The following DPYS variants were observed in gnomAD, a reference collection of about 807,000 sequenced individuals.
DPYS encodes the protein dihydropyrimidine amidohydrolase.
A neutral mutation model predicts 50.3 loss-of-function variants in DPYS; 39 were observed. The ratio of observed to expected loss-of-function variants is 0.78; its 90% CI spans 0.60 to 1.01. The LOEUF (loss-of-function observed/expected upper bound fraction) is 1.01. Ranked by LOEUF, DPYS falls within the 50% of genes least tolerant of loss-of-function variation. The probability of loss-of-function intolerance (pLI) is 0.00; values close to 1 mark genes in which losing one functional copy is unlikely to be tolerated. For synonymous variants in DPYS, 245 were observed against 250.7 expected (o/e 0.98, Z 0.22); for missense variants, 659 against 680.9 (o/e 0.97, Z 0.36).
rs1813937774 is a variant in DPYS at position 104,456,717 on chromosome 8, T to C, written c.265-5313A>G. The stretch of plus-strand genomic sequence containing the variant: ...TTATTTGTCAGTTAGCCAAACAAAA[T>C]GGATTTAGCTTTTCTAACCTGGCTC... On this transcript the variant is annotated intron_variant, in intron 1 of 9. Transcript: ENST00000351513. Among the ~76,000 whole-genome samples, 7 of 152,334 alleles carry C rather than the reference T, an allele frequency of 4.6e-5. No homozygotes were observed. In the South Asian group the frequency reaches 1.5e-3, roughly 32 times the overall value.
intron 1 of DPYS, among the ~76,000 whole-genome samples, chr8:104,456,821 T>C (rs1813943175): frequency 6.6e-6 from 1 of 152,200 alleles, no homozygotes; most frequent in South Asian, 2.1e-4. Flanking sequence ...AAAACTCTTT[T>C]GGGGGACAGG....
chr8:104,416,269 C>T (rs1216744817), intron 7 of DPYS, among the ~76,000 whole-genome samples: 1 of 152,118 alleles, frequency 6.6e-6, no homozygotes, highest in Non-Finnish European at 1.5e-5. Flanking sequence ...CTATCATATG[C>T]TAGAAAACTG....
chr8:104,398,410 G>A (rs774826776), intron 7 of DPYS, among the ~76,000 whole-genome samples: 1 of 152,278 alleles, frequency 6.6e-6, no homozygotes, highest in East Asian at 1.9e-4. Flanking sequence ...TGGGGCATCA[G>A]TCCTGGCTGC....
chr8:104,413,608 A>T (rs187902048), intron 7 of DPYS, among the ~76,000 whole-genome samples: 111 of 152,302 alleles, frequency 7.3e-4, no homozygotes, highest in African/African-American at 2.6e-3. Flanking sequence ...CTATAATCCT[A>T]GTCATTTTAA....
intron 8 of DPYS, among the ~76,000 whole-genome samples, chr8:104,390,750 C>T (rs960005926): frequency 2.2e-4 from 34 of 152,100 alleles, no homozygotes; most frequent in African/African-American, 7.5e-4. Context: ...CTGTTTGCCT[C>T]AGCCTCCCAA....
intron 7 of DPYS, among the ~76,000 whole-genome samples, chr8:104,393,510 A>C (rs755416528): frequency 6.6e-5 from 10 of 152,218 alleles, no homozygotes; most frequent in Non-Finnish European, 1.5e-4. Flanking sequence ...GTAGTTATCA[A>C]GGAAAAGTAT....
At chr8:104,435,102 A>G (rs1399226610) in intron 4 of DPYS, among the ~76,000 whole-genome samples, 1 of 152,222 alleles carries the variant, frequency 6.6e-6, no homozygotes, top group African/African-American at 2.4e-5. Context: ...TGCATTTCCT[A>G]AAAAGCCATT....
At chr8:104,409,955 C>T (rs1398089982) in intron 7 of DPYS, among the ~76,000 whole-genome samples, 1 of 152,158 alleles carries the variant, frequency 6.6e-6, no homozygotes, top group Non-Finnish European at 1.5e-5. Flanking sequence ...TGGGCCTAAT[C>T]TTTTACCTTG....
rs775955129 is a variant in DPYS at position 104,381,196 on chromosome 8, C to T, written c.*2G>A. The T allele has an allele frequency of 3.7e-6, 6 of 1,613,946 alleles. No homozygotes were observed. The highest frequency in any genetic ancestry group is 3.3e-5 in the South Asian group (3 of 91,078). The stretch of plus-strand genomic sequence containing the variant: ...TACAGTCCCTTACCGATGGCACACA[C>T]TTCAGGGGTGGGCCTGTTTCCTGGT... On this transcript the variant is annotated 3_prime_UTR_variant, in exon 9 of 10. Transcript: ENST00000351513.
At position 104,440,148 on chromosome 8, in the gene DPYS, C is replaced by T. The variant is rs142321317; in HGVS notation, c.793+4100G>A. On this transcript the variant is annotated intron_variant, in intron 4 of 9. Coordinates refer to ENST00000351513, the MANE Select transcript of DPYS (RefSeq NM_001385.3). The stretch of plus-strand genomic sequence containing the variant: ...GATTAAAATACTACTATGTGCCAGG[C>T]ACATATTAAGCACTCAACAAGCTGT... Among the ~76,000 whole-genome samples the T allele has an allele frequency of 2.8e-3, 419 of 152,216 alleles. 1 individual carries two copies. Among genetic ancestry groups the T allele is most frequent in the Non-Finnish European group, 3.7e-3 (252 of 68,022 alleles).
intron 1 of DPYS, among the ~76,000 whole-genome samples, chr8:104,455,282 G>A (rs983132760): frequency 1.1e-4 from 17 of 152,190 alleles, no homozygotes; most frequent in African/African-American, 3.9e-4. Flanking sequence ...ATGAAGAGAC[G>A]CTCTGAGGAA....
intron 7 of DPYS, among the ~76,000 whole-genome samples, chr8:104,417,656 C>T (rs145724470): frequency 7.0e-4 from 106 of 152,292 alleles, no homozygotes; most frequent in African/African-American, 2.2e-3. Flanking sequence ...GTTCAATGAG[C>T]TGTCAGGCTG....
chr8:104,435,922 G>A (rs891289678), intron 4 of DPYS, among the ~76,000 whole-genome samples: 4 of 152,108 alleles, frequency 2.6e-5, no homozygotes, highest in Non-Finnish European at 5.9e-5. Context: ...GAAAAGTTAG[G>A]GGGAGTGACA....
chr8:104,446,426 T>C (rs1043064250), intron 3 of DPYS, among the ~76,000 whole-genome samples: 1 of 152,220 alleles, frequency 6.6e-6, no homozygotes, highest in Admixed American at 6.5e-5. Context: ...AGTTTTACTT[T>C]TATTACGGAA....
Position 104,381,313 on chromosome 8 carries a change from G to A in DPYS, c.1445C>T (p.Thr482Ile), listed in dbSNP as rs1182129503. 2 of 1,613,360 alleles carry A rather than the reference G, an allele frequency of 1.2e-6. No homozygotes were observed. The highest frequency in any genetic ancestry group is 2.2e-5 in the East Asian group (1 of 44,866). ...ACGCTCCACAGGGGTAGGTGTGCAA[G>A]TCTGAAAGAGAACATTTCATTTCTC... ...IYKRIKQRDR[T>I]CTPTPVERAP... The change falls in exon 9 of 10, where the codon ACT (threonine) becomes ATT (isoleucine). Residue 482 changes from threonine to isoleucine, a missense_variant and splice_region_variant. By Grantham distance (89) the Thr-to-Ile change is moderately conservative. Coordinates refer to ENST00000351513, the MANE Select transcript of DPYS (RefSeq NM_001385.3).
chr8:104,392,578 G>C (rs1458003398), intron 8 of DPYS, among the ~76,000 whole-genome samples: 1 of 152,102 alleles, frequency 6.6e-6, no homozygotes. Context: ...TGACCTATCA[G>C]TCTGCAAGGG....
At chr8:104,434,897 T>A (rs1057469145) in intron 4 of DPYS, among the ~76,000 whole-genome samples, 11 of 152,242 alleles carry the variant, frequency 7.2e-5, no homozygotes, top group African/African-American at 2.7e-4. Context: ...CAAGTTTAAC[T>A]GTAAACCAAA....
chr8:104,446,000 G>A (rs933822722), intron 3 of DPYS, among the ~76,000 whole-genome samples: 4 of 152,242 alleles, frequency 2.6e-5, no homozygotes, highest in East Asian at 1.9e-4. Context: ...AGCTGAGATC[G>A]CACCACTGCA....
At chr8:104,460,136 A>C (rs1179631419) in intron 1 of DPYS, among the ~76,000 whole-genome samples, 2 of 152,094 alleles carry the variant, frequency 1.3e-5, no homozygotes, top group Non-Finnish European at 1.5e-5. Flanking sequence ...AAAGGAAAAG[A>C]CTTTCCTCCC....
Sources: gnomAD v4.1 joint callset for allele counts (sites outside exome capture counted in the v4.1 genomes callset) on GRCh38, gnomAD v4.1.1 for gene constraint, MANE v1.5 for transcripts, NCBI Gene and HGNC (gene_info 2026-07-23, HGNC 2026-07-21) for gene names.